COBL: variants seen among roughly 807,000 people sequenced by gnomAD.
COBL encodes protein cordon-bleu.
A neutral mutation model predicts 98.8 loss-of-function variants in COBL; 51 were observed. That is an observed-to-expected ratio of 0.52 (90% CI 0.41 to 0.65). The LOEUF (loss-of-function observed/expected upper bound fraction) is 0.65, where lower values mean the gene tolerates loss of function less well. Ranked by LOEUF, COBL falls within the 30% of genes least tolerant of loss-of-function variation. The pLI, the probability that COBL is intolerant of heterozygous loss-of-function variation, is 0.00. For synonymous variants in COBL, 634 were observed against 651.7 expected (o/e 0.97, Z 0.41); for missense variants, 1,617 against 1,617.5 (o/e 1.00, Z 0.01).
intron 2 of COBL, among the ~76,000 whole-genome samples, chr7:51,201,899 A>G (rs577894543): frequency 3.3e-5 from 5 of 152,348 alleles, no homozygotes; most frequent in South Asian, 4.1e-4. Flanking sequence ...AATTTCATAA[A>G]TGAACAACTC....
intron 1 of COBL, among the ~76,000 whole-genome samples, chr7:51,257,101 T>C (rs1456675434): frequency 3.9e-5 from 6 of 152,144 alleles, no homozygotes; most frequent in Non-Finnish European, 8.8e-5. Context: ...CTAGCGGTCA[T>C]GGCAAAGATG....
Position 51,016,943 on chromosome 7 carries a change from T to C in COBL, c.*608A>G. The C allele has an allele frequency of 5.0e-6, 2 of 401,858 alleles. No homozygotes were observed. Among genetic ancestry groups the C allele is most frequent in the East Asian group, 7.1e-5 (2 of 28,140 alleles). 24.9% of individuals were successfully genotyped at this position (401,858 alleles called of 1,614,324 possible). A position where few individuals can be genotyped will look rare whatever the true frequency, so the allele number is the denominator to read the frequency against. On this transcript the variant is annotated 3_prime_UTR_variant, in exon 13 of 13. Transcript: ENST00000265136. ...TTTAAAAGCTTAGTTGGTCAGATCA[T>C]GGACTGTGACCCTCTGTGAAGTGTT...
Position 51,065,307 on chromosome 7 carries a change from G to A in COBL, c.1096+19859C>T, listed in dbSNP as rs1158334367. On this transcript the variant is annotated intron_variant, in intron 7 of 12. Transcript: ENST00000265136. ...ACTGGGGAAATGGGGAGGAGGAAGA[G>A]AAACAGGAACACTTGATTTCAGGAT... The A allele has an allele frequency of 1.1e-5, 8 of 703,400 alleles. No homozygotes were observed. The East Asian group carries it at 2.1e-4, about 19-fold the overall frequency. The allele number at this position is 703,400 out of a possible 1,614,324, so 43.6% of individuals were successfully genotyped here.
intron 2 of COBL, among the ~76,000 whole-genome samples, chr7:51,202,503 G>A (rs1031933334): frequency 3.3e-5 from 5 of 152,058 alleles, no homozygotes; most frequent in East Asian, 1.9e-4. Flanking sequence ...ACTTTAGTAC[G>A]ATCTGTGGTT....
chr7:51,024,785 T>C (rs1315920104), intron 12 of COBL, among the ~76,000 whole-genome samples: 1 of 152,178 alleles, frequency 6.6e-6, no homozygotes, highest in Non-Finnish European at 1.5e-5. Flanking sequence ...ATCCTCTCCA[T>C]GGACCAGTAG....
At chr7:51,156,306 T>C in intron 5 of COBL, 10 of 985,364 alleles carry the variant, frequency 1.0e-5, no homozygotes, top group South Asian at 4.7e-5. Flanking sequence ...CCCCATGATG[T>C]CCAGACAGTA....
chr7:51,239,115 G>C (rs994276910), intron 1 of COBL, among the ~76,000 whole-genome samples: 2 of 152,132 alleles, frequency 1.3e-5, no homozygotes, highest in African/African-American at 4.8e-5. Context: ...AATCCATTCT[G>C]TCTGGGGCTA....
At chr7:51,289,001 CTT>C (rs1363308340) in intron 1 of COBL, among the ~76,000 whole-genome samples, 2 of 152,108 alleles carry the variant, frequency 1.3e-5, no homozygotes, top group African/African-American at 2.4e-5. Flanking sequence ...GCCAAAACGT[CTT>C]GTTTCCACTT....
chr7:51,076,939 A>G (rs1190049780), intron 7 of COBL, among the ~76,000 whole-genome samples: 1 of 152,232 alleles, frequency 6.6e-6, no homozygotes, highest in East Asian at 1.9e-4. Context: ...TAAATCTCCA[A>G]GGTCTGCTAA....
intron 1 of COBL, among the ~76,000 whole-genome samples, chr7:51,295,209 CG>C (rs1554464432): frequency 6.6e-6 from 1 of 150,390 alleles, no homozygotes; most frequent in Non-Finnish European, 1.5e-5. Flanking sequence ...TCGCTTGAAC[CG>C]GGGAGGCAGA....
At chr7:51,204,457 T>C (rs1324655105) in intron 2 of COBL, among the ~76,000 whole-genome samples, 1 of 151,844 alleles carries the variant, frequency 6.6e-6, no homozygotes, top group African/African-American at 2.4e-5. Flanking sequence ...ATCATACACA[T>C]AGAAAGCTCT....
chr7:51,138,135 C>T (rs781549418), intron 5 of COBL, among the ~76,000 whole-genome samples: 3 of 152,124 alleles, frequency 2.0e-5, no homozygotes, highest in East Asian at 1.9e-4. Flanking sequence ...CAACGATGCC[C>T]GATGCTTTGG....
At chr7:51,073,414 T>C (rs1224194682) in intron 7 of COBL, 1 of 666,702 alleles carries the variant, frequency 1.5e-6, no homozygotes, top group Non-Finnish European at 2.8e-6. Context: ...TGGCAAAATG[T>C]GAACGCACAC....
At chr7:51,020,424 C>G (rs918863024) in intron 12 of COBL, among the ~76,000 whole-genome samples, 2 of 152,178 alleles carry the variant, frequency 1.3e-5, no homozygotes, top group Non-Finnish European at 2.9e-5. Flanking sequence ...AAGCTTCTTT[C>G]GTCTATCACA....
At chr7:51,267,309 T>C (rs2129157829) in intron 1 of COBL, among the ~76,000 whole-genome samples, 1 of 151,990 alleles carries the variant, frequency 6.6e-6, no homozygotes, top group South Asian at 2.1e-4. Context: ...GCCTGAGGAG[T>C]GTCAGGCCTT....
chr7:51,193,653 A>T, intron 2 of COBL, 64 bp from the exon 3 acceptor site: 1 of 1,449,768 alleles, frequency 6.9e-7, no homozygotes, highest in Non-Finnish European at 9.6e-7. Flanking sequence ...TGCCTGGCTA[A>T]ATAAGGGTAG....
chr7:51,192,269 T>C (rs1478755380), intron 3 of COBL, among the ~76,000 whole-genome samples: 1 of 152,216 alleles, frequency 6.6e-6, no homozygotes, highest in Non-Finnish European at 1.5e-5. Flanking sequence ...GAAAGTAACA[T>C]TGCTTTTAAT....
intron 1 of COBL, among the ~76,000 whole-genome samples, chr7:51,254,388 T>C (rs372428603): frequency 3.3e-5 from 5 of 152,318 alleles, no homozygotes; most frequent in African/African-American, 9.6e-5. Context: ...GAGTCCTACA[T>C]ATAGACTTGT....
At chr7:51,169,380 G>GGCA (rs1197864125) in intron 5 of COBL, among the ~76,000 whole-genome samples, 1 of 152,082 alleles carries the variant, frequency 6.6e-6, no homozygotes, top group Non-Finnish European at 1.5e-5. Flanking sequence ...AACCCCCTCA[G>GGCA]GCACATGTCG....
Sources: allele counts gnomAD v4.1 joint callset (sites outside exome capture counted in the v4.1 genomes callset), GRCh38; gene constraint gnomAD v4.1.1; transcripts MANE v1.5; gene names NCBI Gene and HGNC (gene_info 2026-07-23, HGNC 2026-07-21).